Variants in ZSWIM8 observed in about 807,000 individuals in gnomAD.
ZSWIM8 encodes the protein zinc finger SWIM-type containing 8.
A neutral mutation model predicts 173.7 loss-of-function variants in ZSWIM8; 27 were observed. The observed-to-expected ratio is 0.16, with a 90% CI of 0.11 to 0.21. ZSWIM8 has a LOEUF of 0.21. Among genes scored for constraint, ZSWIM8 ranks in the 10% least tolerant of loss-of-function variants. ZSWIM8 has a pLI of 1.00. For synonymous variants in ZSWIM8, 958 were observed against 962.0 expected, an observed-to-expected ratio of 1.00 and a Z score of 0.08; for missense variants, 1,627 against 2,428.8, an observed-to-expected ratio of 0.67 and a Z score of 6.94.
chr10:73,799,882 C>T (rs936647162), intron 21 of ZSWIM8, 129 bp from the exon 22 acceptor site: 24 of 951,794 alleles, frequency 2.5e-5, no homozygotes, highest in Non-Finnish European at 3.6e-5. Context: ...CACTGCACTC[C>T]AGCCTGGAGG....
In ZSWIM8 at chr10:73,792,067, C is replaced by A. The variant is rs762336991; in HGVS notation, c.1528C>A (p.Arg510=). ...CAGGAAGCTGGCACTGTGCTGGGCC[C>A]GGGCCCTGCCCTCTCGGCCAGGTGC... ...TDRKLALCWA[R]ALPSRPGASR... The change falls in exon 10 of 26, where the codon CGG becomes AGG. Residue 510 remains arginine, a synonymous_variant. Transcript: ENST00000604729. This position sits in a 1 kb window ranked among gnomAD's most constrained non-coding sequence, Gnocchi z 4.3. The A allele has an allele frequency of 1.7e-5, 26 of 1,539,002 alleles. No individual in the cohort carries two copies. Among genetic ancestry groups the A allele is most frequent in the Non-Finnish European group, 2.0e-5 (23 of 1,137,940 alleles).
chr10:73,795,933 A>G (rs1030482246), intron 15 of ZSWIM8, among the ~76,000 whole-genome samples: 1 of 145,560 alleles, frequency 6.9e-6, no homozygotes, highest in Non-Finnish European at 1.5e-5. Context: ...ACTGCACTCC[A>G]GCCTGGGTGA....
intron 13 of ZSWIM8, 76 bp downstream of exon 13, chr10:73,794,406 A>G: frequency 6.4e-7 from 1 of 1,573,824 alleles, no homozygotes; most frequent in Non-Finnish European, 8.6e-7. Flanking sequence ...AAGAGCCCCA[A>G]GTTTCTGAAT....
In ZSWIM8 at chr10:73,785,711, G is replaced by A. The variant is rs1288302192; in HGVS notation, c.-168G>A. ...GCGCTGTTGGGCGAGGCCCGGTCCCGTCTCTTTCCCAGGCCTGAGATTCTC... is the reference window on the plus strand; with the variant it reads ...GCGCTGTTGGGCGAGGCCCGGTCCCATCTCTTTCCCAGGCCTGAGATTCTC... On this transcript the variant is annotated 5_prime_UTR_variant, in exon 1 of 26. Transcript: ENST00000604729. The A allele has an allele frequency of 1.4e-6, 1 of 736,446 alleles. No individual in the cohort carries two copies. Among genetic ancestry groups the A allele is most frequent in the Admixed American group, 2.1e-5 (1 of 46,594 alleles). The allele number at this position is 736,446 out of a possible 1,614,324, so 45.6% of individuals were successfully genotyped here.
intron 1 of ZSWIM8, among the ~76,000 whole-genome samples, chr10:73,787,549 G>T (rs1165612438): frequency 6.6e-6 from 1 of 152,148 alleles, no homozygotes; most frequent in African/African-American, 2.4e-5. Context: ...TTCAGTCACT[G>T]ACTTGTAAAA....
intron 10 of ZSWIM8, among the ~76,000 whole-genome samples, 166 bp downstream of exon 10, chr10:73,793,018 C>T (rs940312883): frequency 1.3e-5 from 2 of 152,174 alleles, no homozygotes; most frequent in Admixed American, 6.5e-5. Context: ...TCTGCTTCCA[C>T]GAGATTTTCC....
Position 73,799,308 on chromosome 10 carries a change from A to C in ZSWIM8, c.4483A>C (p.Ser1495Arg). The change falls in exon 21 of 26, where the codon AGT becomes CGT. Residue 1495 changes from serine to arginine, a missense_variant. Ser to Arg is a moderately radical substitution (Grantham distance 110). Around this residue, in one of 18 missense-constraint regions of ZSWIM8, gnomAD observed 275 missense variants for 290.1 expected, o/e 0.95. Transcript: ENST00000604729. ...TVVPVISVGSSLYPGPGLGHG... is the reference protein window; with the variant it reads ...TVVPVISVGSRLYPGPGLGHG... The stretch of plus-strand genomic sequence containing the variant: ...GGTGCCCGTCATATCGGTGGGGTCT[A>C]GTTTATACCCGGGTCCAGGACTGGG... 1 of 1,606,638 alleles carries C rather than the reference A, an allele frequency of 6.2e-7. No homozygotes were observed. The highest frequency in any genetic ancestry group is 8.5e-7 in the Non-Finnish European group (1 of 1,176,776).
chr10:73,786,284 C>A, intron 1 of ZSWIM8, 198 bp downstream of exon 1: 1 of 594,638 alleles, frequency 1.7e-6, no homozygotes, highest in Non-Finnish European at 2.7e-6. Flanking sequence ...GCTTTTCCGG[C>A]CTTCCTGGGG....
rs1229770405 is a variant in ZSWIM8 at position 73,798,154 on chromosome 10, G to C, written c.3953-76G>C. The stretch of plus-strand genomic sequence containing the variant: ...CTTATCTTTGTGGGGTTACTGATCT[G>C]ATAAAAAGACATTATTCTCACACCC... On this transcript the variant is annotated intron_variant, in intron 19 of 25. Transcript: ENST00000604729. The C allele has an allele frequency of 3.8e-6, 6 of 1,593,590 alleles. No individual in the cohort carries two copies. The East Asian group carries it at 1.3e-4, about 36-fold the overall frequency.
Position 73,800,864 on chromosome 10 carries a change from G to A in ZSWIM8, c.5122+105G>A, listed in dbSNP as rs2083919935. ...GCTCTTGCTCAGAGTTGAGGCCTTGGTCGGGTATGTGTGCGTGCGCGGGGG... is the reference window on the plus strand; with the variant it reads ...GCTCTTGCTCAGAGTTGAGGCCTTGATCGGGTATGTGTGCGTGCGCGGGGG... On this transcript the variant is annotated intron_variant, in intron 24 of 25. Coordinates refer to ENST00000604729, the MANE Select transcript of ZSWIM8 (RefSeq NM_001367799.1). This position sits in a 1 kb window ranked among gnomAD's most constrained non-coding sequence, Gnocchi z 4.1. The A allele has an allele frequency of 8.4e-7, 1 of 1,194,530 alleles. No homozygotes were observed. The highest frequency in any genetic ancestry group is 1.2e-6 in the Non-Finnish European group (1 of 849,356). 74.0% of individuals were successfully genotyped at this position (1,194,530 alleles called of 1,614,324 possible).
rs370923806 is a variant in ZSWIM8, at chr10:73,797,311, C to T, written c.3433+40C>T. ...GGGCTAGCATAGAGGGAAGGATAAT[C>T]CTGAAGGTTGGAGTCTTAACATCTG... On this transcript the variant is annotated intron_variant, in intron 17 of 25. Transcript: ENST00000604729. The surrounding 1 kb of genome is among the most constrained non-coding windows in gnomAD (Gnocchi z 5.6). 7 of 1,613,156 alleles carry T rather than the reference C, an allele frequency of 4.3e-6. No homozygotes were observed. The highest frequency in any genetic ancestry group is 4.0e-5 in the African/African-American group (3 of 74,902).
Position 73,789,684 on chromosome 10 carries a change from A to C in ZSWIM8, c.631-33A>C. 1 of 1,568,582 alleles carries C rather than the reference A, an allele frequency of 6.4e-7. No homozygotes were observed. Among genetic ancestry groups the C allele is most frequent in the Non-Finnish European group, 8.7e-7 (1 of 1,155,998 alleles). On this transcript the variant is annotated intron_variant, in intron 4 of 25. Coordinates refer to ENST00000604729, the MANE Select transcript of ZSWIM8 (RefSeq NM_001367799.1). This position sits in a 1 kb window ranked among gnomAD's most constrained non-coding sequence, Gnocchi z 6.8. ...CTCCAGCTCCAGCAAACCTGTTCTCAGATTGTTCCATTTTTCTCTGTGTCC... is the reference window on the plus strand; with the variant it reads ...CTCCAGCTCCAGCAAACCTGTTCTCCGATTGTTCCATTTTTCTCTGTGTCC...
In ZSWIM8 at chr10:73,796,993, T is replaced by A. The variant is rs766006862; in HGVS notation, c.3253T>A (p.Phe1085Ile). The A allele has an allele frequency of 3.8e-5, 62 of 1,611,326 alleles. 1 individual carries two copies. In the South Asian group the frequency reaches 6.3e-4, roughly 16 times the overall value. Residue 1085 changes from phenylalanine (F) to isoleucine (I), a missense_variant, in exon 16 of 26, where the codon TTC becomes ATC. Coordinates refer to ENST00000604729, the MANE Select transcript of ZSWIM8 (RefSeq NM_001367799.1). Reference protein sequence around the residue: ...AGAGPGPTEGFTEKNVPESSP... With the variant: ...AGAGPGPTEGITEKNVPESSP... ...GGCTGGGCCAGGCCCCACTGAGGGC[T>A]TCACAGAGAAGAATGTGCCTGGTGA...
chr10:73,790,882 C>T (rs2083393760), intron 7 of ZSWIM8, 93 bp from the exon 8 acceptor site: 5 of 1,249,708 alleles, frequency 4.0e-6, no homozygotes, highest in African/African-American at 1.5e-5. Context: ...TGTCTTTTTC[C>T]CTCTATCTTC....
Position 73,801,174 on chromosome 10 carries a change from C to T in ZSWIM8, c.5280C>T (p.Arg1760=), listed in dbSNP as rs2083941932. The change falls in exon 25 of 26, where the codon CGC becomes CGT. Residue 1760 remains arginine (R), a synonymous_variant. Coordinates refer to ENST00000604729, the MANE Select transcript of ZSWIM8 (RefSeq NM_001367799.1). This position sits in a 1 kb window ranked among gnomAD's most constrained non-coding sequence, Gnocchi z 4.9. Reference sequence around the variant, plus strand: ...CGGCCTTCCACCAACTGGTGCAGCGCTGCCAGCAGGCATACATGCAGGTGA... The same window carrying T: ...CGGCCTTCCACCAACTGGTGCAGCGTTGCCAGCAGGCATACATGCAGGTGA... ...RAPAFHQLVQ[R]CQQAYMQYIH... 5 of 1,599,692 alleles carry T rather than the reference C, an allele frequency of 3.1e-6. No homozygotes were observed. Among genetic ancestry groups the T allele is most frequent in the Non-Finnish European group, 4.3e-6 (5 of 1,173,374 alleles).
chr10:73,798,942 T>C, intron 20 of ZSWIM8, 60 bp from the exon 21 acceptor site: 2 of 1,546,346 alleles, frequency 1.3e-6, no homozygotes, highest in Non-Finnish European at 1.7e-6. Flanking sequence ...GAATCTCATC[T>C]AACACCTTCC....
chr10:73,797,246 A>C lies in ZSWIM8; in HGVS notation c.3408A>C (p.Pro1136=), dbSNP rs749466333. Residue 1136 remains proline (P), a synonymous_variant, in exon 17 of 26, where the codon CCA becomes CCC. Transcript: ENST00000604729. The surrounding 1 kb of genome is among the most constrained non-coding windows in gnomAD (Gnocchi z 5.6). ...GGYNGRGWGS[P]GRPKKKHTGM... ...ATAATGGACGGGGATGGGGGTCCCC[A>C]GGACGGCCTAAGAAGAAGCACACAG... The C allele has an allele frequency of 5.0e-6, 8 of 1,613,972 alleles. No homozygotes were observed. Among genetic ancestry groups the C allele is most frequent in the Non-Finnish European group, 6.8e-6 (8 of 1,179,856 alleles).
In ZSWIM8 at chr10:73,789,122, G is replaced by A. The variant is rs779284564; in HGVS notation, c.389G>A (p.Ser130Asn). 6.2e-7 allele frequency: 1 copy of A among 1,614,040 alleles called. No individual in the cohort carries two copies. The highest frequency in any genetic ancestry group is 8.5e-7 in the Non-Finnish European group (1 of 1,179,882). ...IRLYSCLANGSADEFQRGDQL... is the reference protein window; with the variant it reads ...IRLYSCLANGNADEFQRGDQL... ...CTGTATTCGTGCCTGGCCAATGGCA[G>A]TGCGGATGAGTTTCAGCGAGGGGAT... Residue 130 changes from serine (S) to asparagine (N), a missense_variant, in exon 3 of 26, where the codon AGT becomes AAT. Transcript: ENST00000604729. The surrounding 1 kb of genome is among the most constrained non-coding windows in gnomAD (Gnocchi z 6.8).
Position 73,789,547 on chromosome 10 carries a change from C to T in ZSWIM8, c.630+8C>T, listed in dbSNP as rs1335266203. ...CTCTTCCGCATCCACAACGTGAGGC[C>T]CTCCCAATTTATCCCGGCCCTATCC... On this transcript the variant is annotated splice_region_variant and intron_variant, in intron 4 of 25. Coordinates refer to ENST00000604729, the MANE Select transcript of ZSWIM8 (RefSeq NM_001367799.1). The surrounding 1 kb of genome is among the most constrained non-coding windows in gnomAD (Gnocchi z 6.8). 6.2e-7 allele frequency: 1 copy of T among 1,611,030 alleles called. No homozygotes were observed. Among genetic ancestry groups the T allele is most frequent in the Non-Finnish European group, 8.5e-7 (1 of 1,179,214 alleles).
Sources: gnomAD v4.1 joint callset for allele counts (sites outside exome capture counted in the v4.1 genomes callset) on GRCh38, gnomAD v4.1.1 for gene constraint, gnomAD v4.1.1 regional missense constraint, Gnocchi (gnomAD v3.1) non-coding constraint, MANE v1.5 for transcripts, NCBI Gene and HGNC (gene_info 2026-07-23, HGNC 2026-07-21) for gene names.